The following TMEM114 variants were observed in gnomAD, a reference collection of about 807,000 sequenced individuals.
TMEM114 encodes the protein claudin-26.
TMEM114 carries 6 observed loss-of-function variants against 6.2 expected under a neutral mutation model. The ratio of observed to expected loss-of-function variants is 0.97; its 90% CI spans 0.53 to 1.91. The LOEUF (loss-of-function observed/expected upper bound fraction) is 1.91, where lower values mean the gene tolerates loss of function less well. Among genes scored for constraint, TMEM114 ranks in the 40% most tolerant of loss-of-function variants. The pLI, the probability that TMEM114 is intolerant of heterozygous loss-of-function variation, is 0.01. For synonymous variants in TMEM114, 104 were observed against 73.0 expected (o/e 1.42, Z -2.16); for missense variants, 218 against 158.3 (o/e 1.38, Z -2.02).
At chr16:8,536,240 A>T (rs1900355803), downstream of TMEM114, among the ~76,000 whole-genome samples, 1 of 147,270 alleles carries the variant, frequency 6.8e-6, no homozygotes, top group Non-Finnish European at 1.5e-5. Context: ...AAAAAAAAAA[A>T]TGTAGGGGTT....
intron 2 of TMEM114, among the ~76,000 whole-genome samples, chr16:8,575,010 C>A (rs938520253): frequency 4.6e-5 from 7 of 152,172 alleles, no homozygotes; most frequent in African/African-American, 7.2e-5. Context: ...CCATCGCTAG[C>A]CACATCTCTG....
At chr16:8,549,933 G>T (rs1030704979) in intron 2 of TMEM114, among the ~76,000 whole-genome samples, 1 of 152,198 alleles carries the variant, frequency 6.6e-6, no homozygotes, top group African/African-American at 2.4e-5. Flanking sequence ...GCCAGTAGTG[G>T]CTCAGTCCGA....
At chr16:8,528,262 A>G in the TMEM114 span, among the ~76,000 whole-genome samples, 2 of 151,548 alleles carry the variant, frequency 1.3e-5, no homozygotes, top group Admixed American at 6.6e-5. Context: ...ACACACACAC[A>G]CGCACACACT....
intron 2 of TMEM114, among the ~76,000 whole-genome samples, chr16:8,587,656 A>G (rs1374197744): frequency 6.6e-6 from 1 of 152,238 alleles, no homozygotes; most frequent in Non-Finnish European, 1.5e-5. Context: ...GGGCCATGCT[A>G]GGCACTTGTC....
At chr16:8,532,225 A>G in the TMEM114 span, among the ~76,000 whole-genome samples, 1 of 152,218 alleles carries the variant, frequency 6.6e-6, no homozygotes, top group Non-Finnish European at 1.5e-5. Flanking sequence ...AGATCCTAGT[A>G]TTGAGACAAT....
chr16:8,542,364 T>C (rs989129270), intron 2 of TMEM114, among the ~76,000 whole-genome samples: 3 of 152,178 alleles, frequency 2.0e-5, no homozygotes, highest in African/African-American at 7.2e-5. Context: ...CTATTTCACA[T>C]TTTTAAAGAA....
chr16:8,563,021 T>C, intron 2 of TMEM114, among the ~76,000 whole-genome samples: 1 of 112,940 alleles, frequency 8.9e-6, no homozygotes, highest in East Asian at 2.3e-4. Flanking sequence ...AATGAGTGAG[T>C]GAGGGAATGA....
At chr16:8,553,341 C>G (rs908808592) in intron 2 of TMEM114, among the ~76,000 whole-genome samples, 5 of 152,162 alleles carry the variant, frequency 3.3e-5, no homozygotes, top group Non-Finnish European at 5.9e-5. Flanking sequence ...AGAAGTCTTT[C>G]AGGAGAACGA....
chr16:8,535,842 C>T (rs1489603590), downstream of TMEM114, among the ~76,000 whole-genome samples: 1 of 152,188 alleles, frequency 6.6e-6, no homozygotes, highest in African/African-American at 2.4e-5. Context: ...AATCACAATA[C>T]CCATGTTTTA....
intron 2 of TMEM114, among the ~76,000 whole-genome samples, chr16:8,558,238 A>G (rs909334902): frequency 5.9e-5 from 9 of 152,144 alleles, no homozygotes; most frequent in Non-Finnish European, 1.3e-4. Context: ...ACAGAATGAG[A>G]GTCTGTCTCA....
intron 2 of TMEM114, among the ~76,000 whole-genome samples, chr16:8,548,431 T>C (rs1203338287): frequency 6.6e-6 from 1 of 152,184 alleles, no homozygotes; most frequent in Non-Finnish European, 1.5e-5. Context: ...AGCATGGCTT[T>C]ACAACCTTTT....
At chr16:8,555,543 CTG>C (rs1900983256) in intron 2 of TMEM114, among the ~76,000 whole-genome samples, 1 of 152,156 alleles carries the variant, frequency 6.6e-6, no homozygotes, top group Non-Finnish European at 1.5e-5. Context: ...CAATGGTAAA[CTG>C]TCATGGCGCT....
chr16:8,540,692 T>C (rs953797505), intron 2 of TMEM114, among the ~76,000 whole-genome samples: 3 of 152,198 alleles, frequency 2.0e-5, no homozygotes, highest in African/African-American at 7.2e-5. Context: ...TGGGAACCAG[T>C]GGTAAGCAAA....
rs1444075334 is a variant in TMEM114 at position 8,563,617 on chromosome 16, CTGAA to C, written n.212+25592_212+25595del. Reference sequence around the variant, plus strand: ...AGTGTGTGAATGAGTAAATGAGTGACTGAATGAGTGAGTGAATGAGTAAATGAGT... The same window carrying C: ...AGTGTGTGAATGAGTAAATGAGTGACTGAGTGAGTGAATGAGTAAATGAGT... On this transcript the variant is annotated intron_variant and non_coding_transcript_variant, in intron 2 of 2. Coordinates refer to the TMEM114 transcript ENST00000623677. 1.5e-4 allele frequency among the ~76,000 whole-genome samples: 20 copies of C among 132,700 alleles called. 1 individual carries two copies. In the East Asian group the frequency reaches 1.6e-3, roughly 11 times the overall value. The allele number at this position is 132,700 out of a possible 152,430, so 87.1% of individuals were successfully genotyped here.
At chr16:8,548,434 A>G (rs1900740619) in intron 2 of TMEM114, among the ~76,000 whole-genome samples, 1 of 152,092 alleles carries the variant, frequency 6.6e-6, no homozygotes, top group South Asian at 2.1e-4. Flanking sequence ...ATGGCTTTAC[A>G]ACCTTTTATT....
At chr16:8,528,525 G>T in the TMEM114 span, among the ~76,000 whole-genome samples, 1 of 152,146 alleles carries the variant, frequency 6.6e-6, no homozygotes, top group East Asian at 1.9e-4. Context: ...CCAGAGTTGA[G>T]GAGGGGAGCA....
intron 2 of TMEM114, among the ~76,000 whole-genome samples, chr16:8,587,786 T>A (rs1438473927): frequency 6.6e-6 from 1 of 152,154 alleles, no homozygotes; most frequent in Non-Finnish European, 1.5e-5. Flanking sequence ...GAGGCTGCAG[T>A]GAGCTAAGAC....
At chr16:8,579,159 G>A (rs7203627) in intron 2 of TMEM114, among the ~76,000 whole-genome samples, 2,780 of 152,266 alleles carry the variant, frequency 0.018, 93 homozygotes, top group African/African-American at 0.064. Context: ...GTTTGTGACT[G>A]CTTCATTATC....
At chr16:8,562,835 A>T (rs1229218863) in intron 2 of TMEM114, among the ~76,000 whole-genome samples, 1 of 151,114 alleles carries the variant, frequency 6.6e-6, no homozygotes, top group Non-Finnish European at 1.5e-5. Flanking sequence ...GGAGGGAATG[A>T]GTGAGTGAAT....
Sources: allele counts gnomAD v4.1 joint callset (sites outside exome capture counted in the v4.1 genomes callset), GRCh38; gene constraint gnomAD v4.1.1; transcripts MANE v1.5; gene names NCBI Gene and HGNC (gene_info 2026-07-23, HGNC 2026-07-21).